Variants in CNOT9 observed in about 807,000 individuals in gnomAD.
The protein encoded by CNOT9 is RCD1 required for cell differentiation1 homolog.
A neutral mutation model predicts 37.4 loss-of-function variants in CNOT9; 8 were observed. The observed-to-expected ratio is 0.21, with a 90% CI of 0.13 to 0.39. The LOEUF (loss-of-function observed/expected upper bound fraction) is 0.39, where lower values mean the gene tolerates loss of function less well. CNOT9 is among the 10% of genes least tolerant of loss of function. CNOT9 has a pLI of 1.00. For synonymous variants in CNOT9, 120 were observed against 137.6 expected, an observed-to-expected ratio of 0.87 and a Z score of 0.90; for missense variants, 154 against 365.3, an observed-to-expected ratio of 0.42 and a Z score of 4.71.
At position 218,583,009 on chromosome 2, in the gene CNOT9, C is replaced by G; in HGVS notation, c.243C>G (p.Thr81=). ...TTTATCCATCTATCAACCCACCCAC[C>G]TTGACAGCACACCAGTCTAACAGAG... The part of the protein sequence containing the change: ...VNIYPSINPP[T]LTAHQSNRVC... Residue 81 remains threonine (T), a synonymous_variant, in exon 3 of 8, where the codon ACC becomes ACG. Transcript: ENST00000273064. The G allele has an allele frequency of 6.2e-7, 1 of 1,613,678 alleles. No individual in the cohort carries two copies. Among genetic ancestry groups the G allele is most frequent in the Non-Finnish European group, 8.5e-7 (1 of 1,179,756 alleles).
Position 218,580,576 on chromosome 2 carries a change from C to T in CNOT9, c.40C>T (p.Leu14=). The part of the protein sequence containing the change: ...LATAAPVPTT[L]AQVDREKIYQ... ...TCATCTGAAGCCTGTGCCTACTACACTGGCACAAGTGGATAGAGAAAAGAT... is the reference window on the plus strand; with the variant it reads ...TCATCTGAAGCCTGTGCCTACTACATTGGCACAAGTGGATAGAGAAAAGAT... Residue 14 remains leucine (L), a synonymous_variant, in exon 2 of 8, where the codon CTG becomes TTG. Coordinates refer to ENST00000273064, the MANE Select transcript of CNOT9 (RefSeq NM_005444.3). 2 of 1,612,418 alleles carry T rather than the reference C, an allele frequency of 1.2e-6. No individual in the cohort carries two copies. The highest frequency in any genetic ancestry group is 2.2e-5 in the South Asian group (2 of 90,846).
At chr2:218,572,121 G>C (rs985014689) in intron 1 of CNOT9, among the ~76,000 whole-genome samples, 1 of 151,660 alleles carries the variant, frequency 6.6e-6, no homozygotes, top group African/African-American at 2.4e-5. Context: ...AAGAGTTCCA[G>C]ACCAGCCTGG....
intron 4 of CNOT9, among the ~76,000 whole-genome samples, chr2:218,586,776 C>T (rs1293158538): frequency 6.6e-6 from 1 of 151,938 alleles, no homozygotes; most frequent in East Asian, 1.9e-4. Context: ...AGGTGTGAGC[C>T]ACTGTGCCCA....
In CNOT9 at chr2:218,592,444, A is replaced by G. The variant is rs1472916879; in HGVS notation, c.639+42A>G. 2 of 1,544,502 alleles carry G rather than the reference A, an allele frequency of 1.3e-6. No individual in the cohort carries two copies. The highest frequency in any genetic ancestry group is 1.8e-6 in the Non-Finnish European group (2 of 1,116,696). The stretch of plus-strand genomic sequence containing the variant: ...ATCCCCTTTACAACTACTTCTCATC[A>G]CAAAGCTTAATCTCTTTATAACTGG... On this transcript the variant is annotated intron_variant, in intron 6 of 7. Transcript: ENST00000273064. This position sits in a 1 kb window ranked among gnomAD's most constrained non-coding sequence, Gnocchi z 4.1.
At position 218,594,720 on chromosome 2, in the gene CNOT9, C is replaced by T. The variant is rs762387217; in HGVS notation, c.*444C>T. On this transcript the variant is annotated 3_prime_UTR_variant, in exon 8 of 8. Coordinates refer to ENST00000273064, the MANE Select transcript of CNOT9 (RefSeq NM_005444.3). ...TTTCTGGAAGACTCAAGATATGTCT[C>T]TTCATTCTCTCTCAGTATTTGTTTA... 16 of 160,286 alleles carry T rather than the reference C, an allele frequency of 1.0e-4. No individual in the cohort carries two copies. Among genetic ancestry groups the T allele is most frequent in the Non-Finnish European group, 2.0e-4 (15 of 73,514 alleles). 9.9% of individuals were successfully genotyped at this position (160,286 alleles called of 1,614,324 possible).
chr2:218,583,430 A>G (rs180813037), intron 3 of CNOT9, among the ~76,000 whole-genome samples: 56 of 152,270 alleles, frequency 3.7e-4, no homozygotes, highest in African/African-American at 1.2e-3. Flanking sequence ...GGCATAGTGC[A>G]TGGCATATAA....
rs375829043 is a variant in CNOT9 at position 218,586,385 on chromosome 2, G to T, written c.431-1201G>T. On this transcript the variant is annotated intron_variant, in intron 4 of 7. Transcript: ENST00000273064. ...CCAAAGAGCTTGTGCTCCCTCATTC[G>T]CTCTCTGCCATGTGAGGACATAGTG... 5.9e-5 allele frequency among the ~76,000 whole-genome samples: 9 copies of T among 152,150 alleles called. No homozygotes were observed. In the East Asian group the frequency reaches 9.6e-4, roughly 16 times the overall value.
At chr2:218,585,434 G>T (rs1183717527) in intron 4 of CNOT9, among the ~76,000 whole-genome samples, 3 of 151,400 alleles carry the variant, frequency 2.0e-5, no homozygotes, top group African/African-American at 7.3e-5. Context: ...TCAGCCGGGC[G>T]TGGTGGCATG....
intron 7 of CNOT9, chr2:218,593,874 C>T: frequency 2.6e-6 from 3 of 1,174,578 alleles, no homozygotes; most frequent in Non-Finnish European, 3.3e-6. Flanking sequence ...TTTAATTTTG[C>T]TTTTTCATGA....
At chr2:218,581,170 C>CTTTT in intron 2 of CNOT9, 5 of 245,722 alleles carry the variant, frequency 2.0e-5, no homozygotes, top group South Asian at 3.6e-5. Context: ...GTTTGTTTTT[C>CTTTT]TTTTTTTTTT....
At chr2:218,587,447 T>G in intron 4 of CNOT9, 139 bp from the exon 5 acceptor site, 4 of 1,293,438 alleles carry the variant, frequency 3.1e-6, no homozygotes, top group East Asian at 3.0e-5. Flanking sequence ...TTAATACGAG[T>G]GTGAATCTGA....
At chr2:218,576,071 A>T (rs1694156389) in intron 1 of CNOT9, among the ~76,000 whole-genome samples, 1 of 152,092 alleles carries the variant, frequency 6.6e-6, no homozygotes, top group Non-Finnish European at 1.5e-5. Flanking sequence ...CCATGTTTTT[A>T]AAAAAAGGTG....
chr2:218,569,849 T>C lies in CNOT9; in HGVS notation c.24+871T>C, dbSNP rs1693914134. 2.0e-5 allele frequency among the ~76,000 whole-genome samples: 3 copies of C among 152,214 alleles called. No individual in the cohort carries two copies. The South Asian group carries it at 6.2e-4, about 31-fold the overall frequency. ...TGAACTCTCCTTCCTCTCCTTAAAC[T>C]GTTTATCCAAATCCATCTTTCTTCA... On this transcript the variant is annotated intron_variant, in intron 1 of 7. Coordinates refer to ENST00000273064, the MANE Select transcript of CNOT9 (RefSeq NM_005444.3).
At chr2:218,574,141 T>A in intron 1 of CNOT9, 1 of 309,672 alleles carries the variant, frequency 3.2e-6, no homozygotes, top group South Asian at 2.3e-5. Context: ...GGCTAATTTT[T>A]GTATTTTTAG....
Position 218,592,897 on chromosome 2 carries a change from T to A in CNOT9, c.731+190T>A. On this transcript the variant is annotated intron_variant, in intron 7 of 7. Transcript: ENST00000273064. The surrounding 1 kb of genome is among the most constrained non-coding windows in gnomAD (Gnocchi z 4.1). ...AATTTTAGTAGCCATCAGTTTCATC[T>A]TCTCACTGTAACTCTCCATCCTACT... 1 of 588,890 alleles carries A rather than the reference T, an allele frequency of 1.7e-6. No homozygotes were observed. Among genetic ancestry groups the A allele is most frequent in the Non-Finnish European group, 3.0e-6 (1 of 332,930 alleles). 36.5% of individuals were successfully genotyped at this position (588,890 alleles called of 1,614,324 possible). A position where few individuals can be genotyped will look rare whatever the true frequency, so the allele number is the denominator to read the frequency against.
chr2:218,569,983 G>T (rs1344891481), intron 1 of CNOT9, among the ~76,000 whole-genome samples: 1 of 152,136 alleles, frequency 6.6e-6, no homozygotes, highest in Non-Finnish European at 1.5e-5. Context: ...TGATCCCCGT[G>T]TAATTATTGT....
At chr2:218,585,196 A>G (rs1694547662) in intron 4 of CNOT9, among the ~76,000 whole-genome samples, 1 of 151,154 alleles carries the variant, frequency 6.6e-6, no homozygotes. Flanking sequence ...AATAGGGACC[A>G]TGGGCACAGG....
In CNOT9 at chr2:218,592,438, C is replaced by T. The variant is rs1559251573; in HGVS notation, c.639+36C>T. The T allele has an allele frequency of 6.4e-7, 1 of 1,552,878 alleles. No individual in the cohort carries two copies. Among genetic ancestry groups the T allele is most frequent in the South Asian group, 1.1e-5 (1 of 89,794 alleles). ...TCATCTATCCCCTTTACAACTACTTCTCATCACAAAGCTTAATCTCTTTAT... is the reference window on the plus strand; with the variant it reads ...TCATCTATCCCCTTTACAACTACTTTTCATCACAAAGCTTAATCTCTTTAT... On this transcript the variant is annotated intron_variant, in intron 6 of 7. Transcript: ENST00000273064. The surrounding 1 kb of genome is among the most constrained non-coding windows in gnomAD (Gnocchi z 4.1).
In CNOT9 at chr2:218,580,853, C is replaced by G. The variant is rs149423654; in HGVS notation, c.204+113C>G. The G allele has an allele frequency of 5.1e-6, 5 of 972,676 alleles. No individual in the cohort carries two copies. The African/African-American group carries it at 8.1e-5, about 16-fold the overall frequency. The allele number at this position is 972,676 out of a possible 1,614,324, so 60.3% of individuals were successfully genotyped here. On this transcript the variant is annotated intron_variant, in intron 2 of 7. Transcript: ENST00000273064. ...AGGAGGATGATTCTTTAAAAAACTG[C>G]ATTTGTAAGAATCTGTTTTAGAAAG...
Sources: allele counts gnomAD v4.1 joint callset (sites outside exome capture counted in the v4.1 genomes callset), GRCh38; gene constraint gnomAD v4.1.1; non-coding constraint Gnocchi (gnomAD v3.1); transcripts MANE v1.5; gene names NCBI Gene and HGNC (gene_info 2026-07-23, HGNC 2026-07-21).